RPTOR: variants seen among roughly 807,000 people sequenced by gnomAD.
RPTOR encodes the protein regulatory-associated protein of mTOR.
RPTOR carries 21 observed loss-of-function variants against 169.9 expected under a neutral mutation model. The observed-to-expected ratio is 0.12, with a 90% CI of 0.09 to 0.18. RPTOR has a LOEUF of 0.18. RPTOR is among the 10% of genes least tolerant of loss of function. The pLI, the probability that RPTOR is intolerant of heterozygous loss-of-function variation, is 1.00. For synonymous variants in RPTOR, 732 were observed against 753.2 expected (o/e 0.97, Z 0.46); for missense variants, 1,133 against 1,855.9 (o/e 0.61, Z 7.16).
rs1273157409 is a variant in RPTOR, at chr17:80,545,305, C to T, written c.-325C>T. On this transcript the variant is annotated 5_prime_UTR_variant, in exon 1 of 34. Coordinates refer to ENST00000306801, the MANE Select transcript of RPTOR (RefSeq NM_020761.3). ...ATCGTGAGGCCTGAAGTCTCTTACG[C>T]TTTTGGCAGCTCCCCTCGCAGCCCC... is the stretch of plus-strand genomic sequence containing the variant. 1 of 263,832 alleles carries T rather than the reference C, an allele frequency of 3.8e-6. No homozygotes were observed. The highest frequency in any genetic ancestry group is 2.2e-5 in the African/African-American group (1 of 46,214). The allele number at this position is 263,832 out of a possible 1,614,324, so 16.3% of individuals were successfully genotyped here.
At chr17:80,871,537 T>TC (rs1010572955) in intron 13 of RPTOR, among the ~76,000 whole-genome samples, 8 of 151,942 alleles carry the variant, frequency 5.3e-5, no homozygotes, top group Non-Finnish European at 1.2e-4. Flanking sequence ...AGGTCAGGCG[T>TC]CCCCCGGGTG....
At chr17:80,891,943 TCA>T in intron 18 of RPTOR, 106 bp downstream of exon 18, 1 of 668,542 alleles carries the variant, frequency 1.5e-6, no homozygotes, top group Non-Finnish European at 2.5e-6. Context: ...CGCAGGTTTC[TCA>T]GATACCTGCC....
chr17:80,801,611 A>T (rs2067158596), intron 7 of RPTOR: 1 of 152,252 alleles, frequency 6.6e-6, no homozygotes. Context: ...TTATGTTTGA[A>T]AGGAAAACTA....
At chr17:80,635,322 T>A (rs2065497685) in intron 2 of RPTOR, among the ~76,000 whole-genome samples, 1 of 152,230 alleles carries the variant, frequency 6.6e-6, no homozygotes, top group African/African-American at 2.4e-5. Flanking sequence ...CAGGCCAGTG[T>A]GGCTCCCATC....
chr17:80,638,372 G>A (rs2143581437), intron 2 of RPTOR, among the ~76,000 whole-genome samples: 1 of 152,102 alleles, frequency 6.6e-6, no homozygotes, highest in East Asian at 1.9e-4. Flanking sequence ...TGGCTCTTTG[G>A]GGCTTATGGT....
At chr17:80,652,351 C>T (rs1445743918) in intron 3 of RPTOR, among the ~76,000 whole-genome samples, 1 of 152,206 alleles carries the variant, frequency 6.6e-6, no homozygotes, top group Non-Finnish European at 1.5e-5. Flanking sequence ...AGCCTGCCTT[C>T]TGTCTCTGGA....
At chr17:80,648,821 C>A (rs1212992710) in intron 3 of RPTOR, among the ~76,000 whole-genome samples, 6 of 152,056 alleles carry the variant, frequency 3.9e-5, no homozygotes, top group Non-Finnish European at 8.8e-5. Context: ...ATAGGGGGAA[C>A]CCAGTGGGAG....
At chr17:80,811,315 C>T (rs1346909908) in intron 7 of RPTOR, among the ~76,000 whole-genome samples, 2 of 152,186 alleles carry the variant, frequency 1.3e-5, no homozygotes, top group Non-Finnish European at 1.5e-5. Context: ...AATTCGTCAG[C>T]GGCTTCCTCT....
At chr17:80,606,309 CTTT>C (rs56331722) in intron 1 of RPTOR, among the ~76,000 whole-genome samples, 12 of 123,828 alleles carry the variant, frequency 9.7e-5, no homozygotes, top group Non-Finnish European at 1.5e-4. Flanking sequence ...GGTGCCTGGC[CTTT>C]TTTTTTTTTT....
At chr17:80,806,965 A>C (rs2067224807) in intron 7 of RPTOR, among the ~76,000 whole-genome samples, 1 of 152,262 alleles carries the variant, frequency 6.6e-6, no homozygotes, top group East Asian at 1.9e-4. Flanking sequence ...AGAAGGCCAG[A>C]TTAACCGTAC....
intron 1 of RPTOR, among the ~76,000 whole-genome samples, chr17:80,592,515 T>C (rs2065114774): frequency 6.6e-6 from 1 of 152,096 alleles, no homozygotes; most frequent in Non-Finnish European, 1.5e-5. Flanking sequence ...AGGATATGAC[T>C]GCCCAGTTCA....
chr17:80,616,142 A>G (rs1157110651), intron 1 of RPTOR, among the ~76,000 whole-genome samples: 1 of 152,158 alleles, frequency 6.6e-6, no homozygotes, highest in Non-Finnish European at 1.5e-5. Context: ...GATAATGAAG[A>G]GTGGAAGGAA....
At chr17:80,753,121 C>T (rs963901866) in intron 5 of RPTOR, among the ~76,000 whole-genome samples, 1 of 152,140 alleles carries the variant, frequency 6.6e-6, no homozygotes, top group African/African-American at 2.4e-5. Flanking sequence ...TAGAGAAATC[C>T]GATGAAGATG....
chr17:80,665,326 C>G (rs1011399294), intron 3 of RPTOR, among the ~76,000 whole-genome samples: 5 of 122,402 alleles, frequency 4.1e-5, no homozygotes, highest in Non-Finnish European at 8.6e-5. Flanking sequence ...TTTTTCTTTT[C>G]TTTTCCCTTT....
chr17:80,838,101 G>A (rs2067585232), intron 10 of RPTOR, 104 bp downstream of exon 10: 1 of 912,206 alleles, frequency 1.1e-6, no homozygotes, highest in Non-Finnish European at 1.7e-6. Context: ...AGGACTCTCG[G>A]GTGTCAGATT....
chr17:80,590,564 TGC>T (rs2065096979), intron 1 of RPTOR, among the ~76,000 whole-genome samples: 1 of 145,316 alleles, frequency 6.9e-6, no homozygotes, highest in Non-Finnish European at 1.5e-5. Context: ...TATGCGCACA[TGC>T]GTGCACACAG....
rs532776906 is a variant in RPTOR, at chr17:80,951,297, C to CA, written c.3370+1751dup. 2.5e-4 allele frequency among the ~76,000 whole-genome samples: 38 copies of CA among 152,384 alleles called. 3 individuals are homozygous for CA. In the South Asian group the frequency reaches 5.2e-3, roughly 21 times the overall value. ...TGGCCTGTGCTGCCCCACGGGCTCT[C>CA]AGTCTCTCCGGGTCAGGATGGCAGT... On this transcript the variant is annotated intron_variant, in intron 28 of 33. Coordinates refer to ENST00000306801, the MANE Select transcript of RPTOR (RefSeq NM_020761.3).
chr17:80,744,497 TAGCACTGTCCTGGTTACG>T (rs1316566923), intron 5 of RPTOR, among the ~76,000 whole-genome samples: 37 of 88,202 alleles, frequency 4.2e-4, no homozygotes, highest in Admixed American at 9.3e-4. Context: ...CCCTGGCTAC[TAGCACTGTCCTGGTTACG>T]AGCACAGCCC....
At chr17:80,737,438 C>T (rs1198510348) in intron 5 of RPTOR, among the ~76,000 whole-genome samples, 4 of 152,174 alleles carry the variant, frequency 2.6e-5, no homozygotes, top group African/African-American at 4.8e-5. Context: ...GAGTGCTTTC[C>T]GGCAGGGGGG....
Sources: allele counts gnomAD v4.1 joint callset (sites outside exome capture counted in the v4.1 genomes callset), GRCh38; gene constraint gnomAD v4.1.1; transcripts MANE v1.5; gene names NCBI Gene and HGNC (gene_info 2026-07-23, HGNC 2026-07-21).